The following LAMA3 variants were observed in gnomAD, a reference collection of about 807,000 sequenced individuals.
LAMA3 encodes laminin subunit alpha-3.
A neutral mutation model predicts 402.0 loss-of-function variants in LAMA3; 281 were observed. That is an observed-to-expected ratio of 0.70 (90% confidence interval 0.63 to 0.77). LAMA3 has a LOEUF of 0.77. LAMA3 is among the 30% of genes least tolerant of loss of function. The probability of loss-of-function intolerance (pLI) is 0.00; values close to 1 mark genes in which losing one functional copy is unlikely to be tolerated. For missense variants in LAMA3, 3,840 were observed against 4,215.5 expected (o/e 0.91, Z 2.47); for synonymous variants, 1,431 against 1,558.4 (o/e 0.92, Z 1.93).
intron 6 of LAMA3, among the ~76,000 whole-genome samples, chr18:23,756,824 C>CGCCT (rs1045067940): frequency 6.6e-6 from 1 of 152,130 alleles, no homozygotes; most frequent in Non-Finnish European, 1.5e-5. Flanking sequence ...CTGGATGGGG[C>CGCCT]GCCTGCACCC....
intron 42 of LAMA3, among the ~76,000 whole-genome samples, chr18:23,892,412 A>C (rs921223794): frequency 3.0e-4 from 46 of 151,870 alleles, no homozygotes; most frequent in Non-Finnish European, 4.1e-4. Context: ...TCAACTAATA[A>C]GGGACACATT....
At chr18:23,724,102 C>G (rs1032253441) in intron 2 of LAMA3, among the ~76,000 whole-genome samples, 1 of 152,120 alleles carries the variant, frequency 6.6e-6, no homozygotes, top group African/African-American at 2.4e-5. Context: ...CATAGCTTAG[C>G]TCTCACATAT....
chr18:23,763,659 C>A (rs964912228), intron 8 of LAMA3, 136 bp downstream of exon 8: 15 of 743,752 alleles, frequency 2.0e-5, no homozygotes, highest in Non-Finnish European at 3.0e-5. Context: ...CACTGTTGCT[C>A]ACACAAGGCC....
chr18:23,911,827 GC>G (rs1448144356), intron 55 of LAMA3, among the ~76,000 whole-genome samples: 8 of 145,430 alleles, frequency 5.5e-5, no homozygotes, highest in Non-Finnish European at 1.1e-4. Context: ...TATATTTTAT[GC>G]ATATATAGTG....
chr18:23,860,921 AC>A (rs1308232747), intron 34 of LAMA3, among the ~76,000 whole-genome samples: 1 of 151,294 alleles, frequency 6.6e-6, no homozygotes, highest in Admixed American at 6.6e-5. Flanking sequence ...TGAACTCCTG[AC>A]CTCAGGTGAT....
intron 8 of LAMA3, among the ~76,000 whole-genome samples, chr18:23,763,971 A>G (rs1429206510): frequency 6.6e-6 from 1 of 152,152 alleles, no homozygotes; most frequent in African/African-American, 2.4e-5. Context: ...ATGAAACACT[A>G]ATTTTTCATT....
At chr18:23,896,279 T>C (rs573327805) in intron 44 of LAMA3, among the ~76,000 whole-genome samples, 33 of 152,296 alleles carry the variant, frequency 2.2e-4, no homozygotes, top group East Asian at 7.7e-4. Context: ...GAGGTTGCAG[T>C]GAGCTGAGAT....
intron 32 of LAMA3, among the ~76,000 whole-genome samples, chr18:23,855,996 T>A (rs2064069439): frequency 6.6e-6 from 1 of 152,164 alleles, no homozygotes. Flanking sequence ...TAATAGCAAA[T>A]ACTTACGTGT....
intron 37 of LAMA3, among the ~76,000 whole-genome samples, chr18:23,869,765 G>T (rs775621690): frequency 1.3e-5 from 2 of 152,058 alleles, no homozygotes; most frequent in Non-Finnish European, 2.9e-5. Flanking sequence ...AAATATAAAG[G>T]TTAAAAAGGC....
chr18:23,905,645 T>C (rs949609009), intron 52 of LAMA3, 21 bp downstream of exon 52: 1 of 1,385,792 alleles, frequency 7.2e-7, no homozygotes, highest in Non-Finnish European at 1.0e-6. Context: ...GAGTGGGCAA[T>C]GGCAGGGATA....
At chr18:23,953,293 G>T (rs1430459443) in intron 74 of LAMA3, among the ~76,000 whole-genome samples, 184 bp downstream of exon 74, 1 of 150,888 alleles carries the variant, frequency 6.6e-6, no homozygotes, top group Non-Finnish European at 1.5e-5. Flanking sequence ...CCCCATTACT[G>T]CTGTTGCCCC....
rs1007915301 is a variant in LAMA3, at chr18:23,689,487, G to T, written c.-197G>T. The T allele has an allele frequency of 2.4e-6, 1 of 415,962 alleles. No individual in the cohort carries two copies. The highest frequency in any genetic ancestry group is 2.1e-5 in the African/African-American group (1 of 48,254). 25.8% of individuals were successfully genotyped at this position (415,962 alleles called of 1,614,324 possible). On this transcript the variant is annotated 5_prime_UTR_variant, in exon 1 of 75. Transcript: ENST00000313654. ...TCCGGCTGGTGCCCGCTCCAGCCGC[G>T]GCAGGTTCCAGAGCTGAGAGGCCAC...
rs1178971525 is a variant in LAMA3, at chr18:23,899,192, A to G, written c.5837-96A>G. 5.3e-6 allele frequency: 7 copies of G among 1,317,694 alleles called. No individual in the cohort carries two copies. In the Admixed American group the frequency reaches 1.2e-4, roughly 23 times the overall value. The allele number at this position is 1,317,694 out of a possible 1,614,324, so 81.6% of individuals were successfully genotyped here. The stretch of plus-strand genomic sequence containing the variant: ...CCCATAGTGATACTAAAAAACTAAT[A>G]TAAAATCTCCATAGAAGTTTCTACC... On this transcript the variant is annotated intron_variant, in intron 46 of 74. Transcript: ENST00000313654.
intron 44 of LAMA3, among the ~76,000 whole-genome samples, chr18:23,896,202 G>A (rs1298504103): frequency 6.6e-6 from 1 of 152,284 alleles, no homozygotes; most frequent in East Asian, 1.9e-4. Context: ...CAGGCATGAT[G>A]GCACATGCCT....
At chr18:23,753,658 T>C in intron 5 of LAMA3, 63 bp from the exon 6 acceptor site, 3 of 1,228,784 alleles carry the variant, frequency 2.4e-6, no homozygotes, top group Non-Finnish European at 3.6e-6. Context: ...GGTTAAAGAC[T>C]AGTAAGAGAA....
chr18:23,842,711 C>G lies in LAMA3; in HGVS notation c.3564C>G (p.Ala1188=). 2 of 1,614,224 alleles carry G rather than the reference C, an allele frequency of 1.2e-6. No homozygotes were observed. Residue 1188 remains alanine, a synonymous_variant, in exon 29 of 75, where the codon GCC becomes GCG. Coordinates refer to ENST00000313654, the MANE Select transcript of LAMA3 (RefSeq NM_198129.4). ...TTGACATCTCAGAGCCTGAAGTGGC[C>G]GCAACTGTGAAGGTTCCAGAAGGAA... is the stretch of plus-strand genomic sequence containing the variant. ...IEFDISEPEV[A]ATVKVPEGKS...
At chr18:23,836,345 T>A (rs2144543630) in intron 24 of LAMA3, among the ~76,000 whole-genome samples, 1 of 152,322 alleles carries the variant, frequency 6.6e-6, no homozygotes, top group African/African-American at 2.4e-5. Context: ...GACAGAAAAT[T>A]TGCAACAGAG....
intron 60 of LAMA3, among the ~76,000 whole-genome samples, chr18:23,920,189 A>G (rs1207993300): frequency 6.6e-6 from 1 of 152,234 alleles, no homozygotes; most frequent in Non-Finnish European, 1.5e-5. Context: ...TGCACCTGGT[A>G]TAATGGAAGA....
chr18:23,938,820 A>AAGC lies in LAMA3; in HGVS notation c.8863-401_8863-400insCAG, dbSNP rs34205722. On this transcript the variant is annotated intron_variant, in intron 67 of 74. Coordinates refer to ENST00000313654, the MANE Select transcript of LAMA3 (RefSeq NM_198129.4). ...ATGAGAATAACAGGCATGCTCCCCA[A>AAGC]AGGAGGGAGAGAAAGGGGGGGTATT... Among the ~76,000 whole-genome samples the AAGC allele has an allele frequency of 0.03, 40 of 1,328 alleles. No homozygotes were observed. In the East Asian group the frequency reaches 0.38, roughly 12 times the overall value. 0.9% of individuals were successfully genotyped at this position (1,328 alleles called of 152,430 possible).
Sources: gnomAD v4.1 joint callset for allele counts (sites outside exome capture counted in the v4.1 genomes callset) on GRCh38, gnomAD v4.1.1 for gene constraint, MANE v1.5 for transcripts, NCBI Gene and HGNC (gene_info 2026-07-23, HGNC 2026-07-21) for gene names.